The following TENM3 variants were observed in gnomAD, a reference collection of about 807,000 sequenced individuals.
TENM3 encodes the protein teneurin-3.
TENM3 carries 63 observed loss-of-function variants against 255.1 expected under a neutral mutation model. The ratio of observed to expected loss-of-function variants is 0.25; its 90% CI spans 0.20 to 0.30. TENM3 has a LOEUF of 0.30. Ranked by LOEUF, TENM3 falls within the 10% of genes least tolerant of loss-of-function variation. TENM3 has a pLI of 1.00. For synonymous variants in TENM3, 1,306 were observed against 1,322.3 expected (o/e 0.99, Z 0.27); for missense variants, 2,929 against 3,461.1 (o/e 0.85, Z 3.86).
intron 3 of TENM3, among the ~76,000 whole-genome samples, chr4:182,443,800 T>G (rs536220650): frequency 1.9e-3 from 282 of 152,246 alleles, no homozygotes; most frequent in Non-Finnish European, 3.3e-3. Flanking sequence ...CTGCCCAAGG[T>G]CATCTGAATT....
chr4:182,116,436 T>C, the TENM3 span, among the ~76,000 whole-genome samples: 1 of 152,058 alleles, frequency 6.6e-6, no homozygotes, highest in African/African-American at 2.4e-5. Flanking sequence ...CAGTAGGAAG[T>C]GATTTGATCA....
At chr4:182,650,453 CTTCT>C (rs1287151988) in intron 5 of TENM3, among the ~76,000 whole-genome samples, 1 of 150,346 alleles carries the variant, frequency 6.7e-6, no homozygotes, top group African/African-American at 2.4e-5. Context: ...TGGACTTACC[CTTCT>C]TTATTTTCAG....
chr4:182,624,027 G>C (rs904371441), intron 4 of TENM3, among the ~76,000 whole-genome samples: 1 of 149,910 alleles, frequency 6.7e-6, no homozygotes, highest in East Asian at 1.9e-4. Context: ...CTCTGTCTGA[G>C]ATGTAAGGCA....
At chr4:181,792,963 G>GTT in the TENM3 span, among the ~76,000 whole-genome samples, 8 of 148,182 alleles carry the variant, frequency 5.4e-5, no homozygotes, top group African/African-American at 2.0e-4. Context: ...GTTATAGACG[G>GTT]TTTTTTTTTT....
At chr4:181,693,397 G>A in the TENM3 span, among the ~76,000 whole-genome samples, 1 of 152,084 alleles carries the variant, frequency 6.6e-6, no homozygotes, top group African/African-American at 2.4e-5. Context: ...TTTTATGTTG[G>A]TGTGTTAATT....
chr4:181,815,537 G>A, the TENM3 span, among the ~76,000 whole-genome samples: 92 of 150,516 alleles, frequency 6.1e-4, 1 homozygote, highest in African/African-American at 1.7e-3. Context: ...TAGGTCCCCC[G>A]AAATGTGGGA....
chr4:182,100,831 A>ATG, the TENM3 span, among the ~76,000 whole-genome samples: 2 of 7,822 alleles, frequency 2.6e-4, 1 homozygote, highest in African/African-American at 5.6e-4. Context: ...ACATATATAT[A>ATG]TATATATACT....
rs1332490661 is a variant in TENM3 at position 182,657,751 on chromosome 4, T to C, written c.1111+3858T>C. Among the ~76,000 whole-genome samples, 8 of 152,266 alleles carry C rather than the reference T, an allele frequency of 5.3e-5. No individual in the cohort carries two copies. In the East Asian group the frequency reaches 1.2e-3, roughly 22 times the overall value. On this transcript the variant is annotated intron_variant, in intron 6 of 27. Transcript: ENST00000511685. Reference sequence around the variant, plus strand: ...TTGGCTCACTGCAGCCTTGACCTCCTGGGCTCAAGTGATCCTCCCACCTCA... The same window carrying C: ...TTGGCTCACTGCAGCCTTGACCTCCCGGGCTCAAGTGATCCTCCCACCTCA...
intron 3 of TENM3, among the ~76,000 whole-genome samples, chr4:182,475,947 C>A (rs1305921575): frequency 6.6e-6 from 1 of 152,176 alleles, no homozygotes; most frequent in Non-Finnish European, 1.5e-5. Flanking sequence ...TCCAGTCTCT[C>A]TCGTACATTT....
chr4:181,881,475 G>C, the TENM3 span, among the ~76,000 whole-genome samples: 1 of 151,928 alleles, frequency 6.6e-6, no homozygotes. Flanking sequence ...CAAATTATCA[G>C]GAAAAAGTGA....
chr4:182,255,861 T>C (rs1283103500), intron 1 of TENM3, among the ~76,000 whole-genome samples: 2 of 152,226 alleles, frequency 1.3e-5, no homozygotes, highest in Non-Finnish European at 1.5e-5. Context: ...AGTTATATTC[T>C]AAAAATGTTG....
At chr4:181,641,805 CATAT>C in the TENM3 span, among the ~76,000 whole-genome samples, 5,006 of 31,304 alleles carry the variant, frequency 0.16, 274 homozygotes, top group Non-Finnish European at 0.18. Context: ...ACACACACAC[CATAT>C]ATATATATAT....
chr4:181,464,796 C>T, the TENM3 span, among the ~76,000 whole-genome samples: 2 of 151,980 alleles, frequency 1.3e-5, no homozygotes, highest in Non-Finnish European at 2.9e-5. Flanking sequence ...ACAAAAAATA[C>T]AAAAATTAGC....
At chr4:182,399,902 CAG>C (rs747870205) in intron 3 of TENM3, among the ~76,000 whole-genome samples, 9 of 151,986 alleles carry the variant, frequency 5.9e-5, no homozygotes, top group Non-Finnish European at 1.3e-4. Flanking sequence ...CCTAGCTTTG[CAG>C]AGTCTTGGTG....
At chr4:181,993,900 A>T in the TENM3 span, among the ~76,000 whole-genome samples, 1 of 152,144 alleles carries the variant, frequency 6.6e-6, no homozygotes, top group Non-Finnish European at 1.5e-5. Context: ...AATTGAGAAG[A>T]TTCTGCAGAA....
chr4:182,462,107 C>T (rs2151394335), intron 3 of TENM3, among the ~76,000 whole-genome samples: 1 of 150,644 alleles, frequency 6.6e-6, no homozygotes, highest in Non-Finnish European at 1.5e-5. Flanking sequence ...GGGTCTCTGT[C>T]ATCCAGGCTG....
the TENM3 span, among the ~76,000 whole-genome samples, chr4:181,982,375 A>G: frequency 6.6e-6 from 1 of 152,186 alleles, no homozygotes; most frequent in Non-Finnish European, 1.5e-5. Context: ...GAGCCTTAGT[A>G]TGTATGCCTT....
chr4:181,573,581 C>T, the TENM3 span, among the ~76,000 whole-genome samples: 8 of 151,952 alleles, frequency 5.3e-5, no homozygotes, highest in African/African-American at 1.2e-4. Flanking sequence ...ATATAGAAAA[C>T]GAATATTTAA....
intron 3 of TENM3, among the ~76,000 whole-genome samples, chr4:182,380,577 T>C (rs1390799912): frequency 6.6e-6 from 1 of 152,238 alleles, no homozygotes; most frequent in East Asian, 1.9e-4. Context: ...TGCTGGCTTA[T>C]AGCATACACA....
Sources: allele counts gnomAD v4.1 joint callset (sites outside exome capture counted in the v4.1 genomes callset), GRCh38; gene constraint gnomAD v4.1.1; transcripts MANE v1.5; gene names NCBI Gene and HGNC (gene_info 2026-07-23, HGNC 2026-07-21).